CAP2: variants seen among roughly 807,000 people sequenced by gnomAD.
CAP2 encodes the protein cyclase associated actin cytoskeleton regulatory protein 2.
In CAP2, 24 loss-of-function variants were observed where a neutral mutation model predicts 57.7. The ratio of observed to expected loss-of-function variants is 0.42; its 90% confidence interval spans 0.30 to 0.58. The LOEUF (loss-of-function observed/expected upper bound fraction) is 0.58, where lower values mean the gene tolerates loss of function less well. Among genes scored for constraint, CAP2 ranks in the 20% least tolerant of loss-of-function variants. CAP2 has a pLI of 0.22. For synonymous variants in CAP2, 194 were observed against 207.2 expected (o/e 0.94, Z 0.55); for missense variants, 501 against 590.3 (o/e 0.85, Z 1.57).
At position 17,473,037 on chromosome 6, in the gene CAP2, C is replaced by CT. The variant is rs566161869; in HGVS notation, c.300+9977dup. On this transcript the variant is annotated intron_variant, in intron 4 of 12. Coordinates refer to ENST00000229922, the MANE Select transcript of CAP2 (RefSeq NM_006366.3). ...CTGTTGGAACATCACTCATGGTGAC[C>CT]TTTTTTTTTTTTTAATCTGATAAGG... 4.2e-3 allele frequency among the ~76,000 whole-genome samples: 601 copies of CT among 143,392 alleles called. 4 individuals carry two copies. Among genetic ancestry groups the CT allele is most frequent in the African/African-American group, 9.6e-3 (380 of 39,688 alleles). 94.1% of individuals were successfully genotyped at this position (143,392 alleles called of 152,430 possible). A position where few individuals can be genotyped will look rare whatever the true frequency, so the allele number is the denominator to read the frequency against.
intron 3 of CAP2, among the ~76,000 whole-genome samples, chr6:17,440,836 A>T (rs1170667474): frequency 2.0e-5 from 3 of 151,080 alleles, no homozygotes; most frequent in Non-Finnish European, 4.4e-5. Context: ...CCACCCCATG[A>T]CAGGCCCTAG....
rs565107394 is a variant in CAP2 at position 17,506,460 on chromosome 6, C to T, written c.301-709C>T. On this transcript the variant is annotated intron_variant, in intron 4 of 12. Coordinates refer to ENST00000229922, the MANE Select transcript of CAP2 (RefSeq NM_006366.3). Reference sequence around the variant, plus strand: ...TTGAGGTCAGGAGTTCAAGACCAACCTGGCCAACCCCACCTCTGCTAAAAA... The same window carrying T: ...TTGAGGTCAGGAGTTCAAGACCAACTTGGCCAACCCCACCTCTGCTAAAAA... 5.3e-5 allele frequency among the ~76,000 whole-genome samples: 8 copies of T among 152,196 alleles called. No homozygotes were observed. The East Asian group carries it at 1.5e-3, about 29-fold the overall frequency.
At chr6:17,463,137 G>GAAAATAA in intron 4 of CAP2, 64 bp downstream of exon 4, 2 of 1,149,892 alleles carry the variant, frequency 1.7e-6, no homozygotes, top group Non-Finnish European at 2.6e-6. Context: ...GGAAAACAAG[G>GAAAATAA]AGGCAACAGA....
At chr6:17,486,040 A>G (rs1426899477) in intron 4 of CAP2, among the ~76,000 whole-genome samples, 2 of 152,224 alleles carry the variant, frequency 1.3e-5, no homozygotes, top group African/African-American at 4.8e-5. Flanking sequence ...GTGGCCAAAC[A>G]TGTTCTAAAA....
intron 1 of CAP2, among the ~76,000 whole-genome samples, chr6:17,419,061 A>T (rs1759361497): frequency 6.6e-6 from 1 of 152,212 alleles, no homozygotes; most frequent in Admixed American, 6.5e-5. Flanking sequence ...TTTCCAAAAT[A>T]GACAGTAAAC....
At chr6:17,508,544 A>T (rs1446767259) in intron 6 of CAP2, among the ~76,000 whole-genome samples, 1 of 152,128 alleles carries the variant, frequency 6.6e-6, no homozygotes, top group African/African-American at 2.4e-5. Context: ...GGAAGGGATG[A>T]GGCAAATATA....
At chr6:17,455,664 C>A (rs1014761451) in intron 3 of CAP2, among the ~76,000 whole-genome samples, 2 of 151,850 alleles carry the variant, frequency 1.3e-5, no homozygotes, top group South Asian at 4.1e-4. Context: ...GCCTCCCAAG[C>A]AGCTGGGACT....
intron 9 of CAP2, 38 bp from the exon 10 acceptor site, chr6:17,542,799 A>G (rs762851731): frequency 6.5e-7 from 1 of 1,543,612 alleles, no homozygotes; most frequent in South Asian, 1.1e-5. Context: ...CTGTTTATAT[A>G]TGCTGATGTT....
chr6:17,540,858 G>T (rs996489481), intron 8 of CAP2, 115 bp from the exon 9 acceptor site: 1 of 947,340 alleles, frequency 1.1e-6, no homozygotes. Context: ...AGACTGTTTT[G>T]AAAGTGGCCT....
intron 4 of CAP2, among the ~76,000 whole-genome samples, chr6:17,464,159 T>C (rs1247241691): frequency 1.3e-5 from 2 of 152,206 alleles, no homozygotes; most frequent in Admixed American, 1.3e-4. Context: ...ACAATGCTGA[T>C]TGTGTCACGA....
intron 4 of CAP2, among the ~76,000 whole-genome samples, chr6:17,484,018 CT>C (rs1243162382): frequency 1.3e-5 from 2 of 151,960 alleles, no homozygotes; most frequent in Non-Finnish European, 2.9e-5. Flanking sequence ...AGAGTGGCAA[CT>C]GCTACACTCC....
intron 3 of CAP2, among the ~76,000 whole-genome samples, chr6:17,445,512 A>G (rs563302316): frequency 1.3e-5 from 2 of 152,322 alleles, no homozygotes; most frequent in South Asian, 2.1e-4. Flanking sequence ...ATTGTTTTCA[A>G]AATGATAGCG....
In CAP2 at chr6:17,507,280, G is replaced by A. The variant is rs200521747; in HGVS notation, c.412G>A (p.Glu138Lys). The A allele has an allele frequency of 5.0e-6, 8 of 1,614,076 alleles. No individual in the cohort carries two copies. The highest frequency in any genetic ancestry group is 2.7e-5 in the African/African-American group (2 of 74,938). Residue 138 changes from glutamate to lysine, a missense_variant, in exon 5 of 13, where the codon GAA becomes AAA. Coordinates refer to ENST00000229922, the MANE Select transcript of CAP2 (RefSeq NM_006366.3). ...GTTTAATCATCTTTCGGCCGTCAGC[G>A]AAAGCATCCCTGCCCTTGGATGGAT... ...NMFNHLSAVS[E>K]SIPALGWIAV...
At position 17,547,580 on chromosome 6, in the gene CAP2, G is replaced by A. The variant is rs557180185; in HGVS notation, c.1210-3884G>A. 4.6e-5 allele frequency among the ~76,000 whole-genome samples: 7 copies of A among 152,252 alleles called. No homozygotes were observed. The East Asian group carries it at 5.8e-4, about 13-fold the overall frequency. On this transcript the variant is annotated intron_variant, in intron 11 of 12. Transcript: ENST00000229922. Reference sequence around the variant, plus strand: ...TAACTGACCGGGCACGGTGGCTCACGCCTGTAATCCCAGCATTTTGGGAGG... The same window carrying A: ...TAACTGACCGGGCACGGTGGCTCACACCTGTAATCCCAGCATTTTGGGAGG...
In CAP2 at chr6:17,541,089, T is replaced by C; in HGVS notation, c.943T>C (p.Ser315Pro). Reference sequence around the variant, plus strand: ...CACTCCAAGTCCCACATCTCCTAAATCTTATCCTTCTCAAAAACATGCCCC... The same window carrying C: ...CACTCCAAGTCCCACATCTCCTAAACCTTATCCTTCTCAAAAACATGCCCC... ...SHTPSPTSPK[S>P]YPSQKHAPVL... Residue 315 changes from serine to proline, a missense_variant, in exon 9 of 13, where the codon TCT becomes CCT. By Grantham distance (74) the Ser-to-Pro change is moderately conservative (BLOSUM62 -1). Coordinates refer to ENST00000229922, the MANE Select transcript of CAP2 (RefSeq NM_006366.3). 1.2e-6 allele frequency: 2 copies of C among 1,614,060 alleles called. No homozygotes were observed. The highest frequency in any genetic ancestry group is 1.7e-6 in the Non-Finnish European group (2 of 1,179,980).
At chr6:17,492,695 G>T (rs1761573482) in intron 4 of CAP2, among the ~76,000 whole-genome samples, 1 of 152,182 alleles carries the variant, frequency 6.6e-6, no homozygotes, top group Non-Finnish European at 1.5e-5. Flanking sequence ...GTCAAACGTT[G>T]TAGTCAGCTA....
rs1169685893 is a variant in CAP2 at position 17,482,294 on chromosome 6, AG to A, written c.300+19223del. 2.0e-5 allele frequency among the ~76,000 whole-genome samples: 3 copies of A among 152,126 alleles called. No homozygotes were observed. The East Asian group carries it at 5.8e-4, about 29-fold the overall frequency. The stretch of plus-strand genomic sequence containing the variant: ...GTAATCCCAGCACATGATCTGGCCG[AG>A]GTGGGAGATCGAGACCATCCTGGCC... On this transcript the variant is annotated intron_variant, in intron 4 of 12. Transcript: ENST00000229922.
At chr6:17,494,698 A>G (rs897484791) in intron 4 of CAP2, among the ~76,000 whole-genome samples, 2 of 152,096 alleles carry the variant, frequency 1.3e-5, no homozygotes, top group East Asian at 1.9e-4. Context: ...GGTTAATTTT[A>G]TGTGTCGACT....
At chr6:17,503,019 G>A (rs1761867808) in intron 4 of CAP2, among the ~76,000 whole-genome samples, 1 of 152,250 alleles carries the variant, frequency 6.6e-6, no homozygotes, top group African/African-American at 2.4e-5. Flanking sequence ...ACTGATTTTT[G>A]GCAGCCATTA....
Sources: gnomAD v4.1 joint callset for allele counts (sites outside exome capture counted in the v4.1 genomes callset) on GRCh38, gnomAD v4.1.1 for gene constraint, MANE v1.5 for transcripts, NCBI Gene and HGNC (gene_info 2026-07-23, HGNC 2026-07-21) for gene names.